Variants in BNC2 observed in about 807,000 individuals in gnomAD.
The protein encoded by BNC2 is basonuclin zinc finger protein 2, also known as zinc finger protein basonuclin-2.
Under a neutral mutation model 76.3 loss-of-function variants are expected in BNC2, and 20 were observed. That is an observed-to-expected ratio of 0.26 (90% CI 0.18 to 0.38). BNC2 has a LOEUF of 0.38. BNC2 is among the 10% of genes least tolerant of loss of function. BNC2 has a pLI of 1.00. For synonymous variants in BNC2, 582 were observed against 514.8 expected, an observed-to-expected ratio of 1.13 and a Z score of -1.77; for missense variants, 1,382 against 1,399.8, an observed-to-expected ratio of 0.99 and a Z score of 0.20.
Position 16,597,220 on chromosome 9 carries a change from T to C in BNC2, c.331-14135A>G, listed in dbSNP as rs576386023. On this transcript the variant is annotated intron_variant, in intron 3 of 6. Coordinates refer to ENST00000380672, the MANE Select transcript of BNC2 (RefSeq NM_017637.6). ...GTGGCTACAGCCATGTACTATTGTA[T>C]GTAACTGCTTATTTTTAAAAAGAGC... 8.3e-4 allele frequency among the ~76,000 whole-genome samples: 127 copies of C among 152,310 alleles called. 1 individual carries two copies. The highest frequency in any genetic ancestry group is 1.5e-3 in the Non-Finnish European group (102 of 67,994).
At chr9:16,606,908 G>T (rs1458353631) in intron 3 of BNC2, among the ~76,000 whole-genome samples, 2 of 152,128 alleles carry the variant, frequency 1.3e-5, no homozygotes, top group Non-Finnish European at 2.9e-5. Flanking sequence ...AAGCTCCTTT[G>T]GCCTGCGGCC....
At chr9:16,451,843 C>T (rs935900241) in intron 5 of BNC2, among the ~76,000 whole-genome samples, 2 of 152,140 alleles carry the variant, frequency 1.3e-5, no homozygotes, top group Admixed American at 1.3e-4. Flanking sequence ...TTGATATCCC[C>T]ACTGCCAAGA....
intron 3 of BNC2, among the ~76,000 whole-genome samples, chr9:16,715,153 A>T (rs1050188863): frequency 6.6e-6 from 1 of 152,234 alleles, no homozygotes; most frequent in Non-Finnish European, 1.5e-5. Flanking sequence ...TTTCATCTAC[A>T]TCAATTACTT....
At chr9:16,457,195 T>C (rs1468197294) in intron 5 of BNC2, among the ~76,000 whole-genome samples, 1 of 152,202 alleles carries the variant, frequency 6.6e-6, no homozygotes, top group Non-Finnish European at 1.5e-5. Context: ...AAGTAGTCCT[T>C]AGGAAGAAGA....
intron 5 of BNC2, among the ~76,000 whole-genome samples, chr9:16,508,710 A>G (rs1054339842): frequency 2.0e-5 from 3 of 152,156 alleles, no homozygotes; most frequent in African/African-American, 2.4e-5. Context: ...TAGCCCCCAC[A>G]AAGTTAATTT....
intron 3 of BNC2, among the ~76,000 whole-genome samples, chr9:16,608,956 C>T (rs1263508443): frequency 2.6e-5 from 4 of 152,168 alleles, no homozygotes; most frequent in Non-Finnish European, 2.9e-5. Context: ...GGTTCCTAAA[C>T]ATCATACCTT....
intron 3 of BNC2, 182 bp downstream of exon 3, chr9:16,727,615 G>A (rs773008387): frequency 7.0e-5 from 43 of 613,562 alleles, no homozygotes; most frequent in African/African-American, 1.3e-4. Flanking sequence ...CGCCCTTAGG[G>A]AAACCATGAA....
chr9:16,767,479 T>C (rs926329632), intron 1 of BNC2, among the ~76,000 whole-genome samples: 1 of 152,134 alleles, frequency 6.6e-6, no homozygotes, highest in Admixed American at 6.5e-5. Context: ...AGGATTTTTT[T>C]TGTAGAGCTG....
chr9:16,600,040 A>G (rs766986023), intron 3 of BNC2, among the ~76,000 whole-genome samples: 12 of 152,334 alleles, frequency 7.9e-5, no homozygotes, highest in Non-Finnish European at 1.3e-4. Flanking sequence ...ACCCTGATAT[A>G]TAAGAAACCT....
intron 5 of BNC2, among the ~76,000 whole-genome samples, chr9:16,540,702 C>T (rs936824663): frequency 6.6e-6 from 1 of 152,168 alleles, no homozygotes; most frequent in Non-Finnish European, 1.5e-5. Flanking sequence ...GTAAGTCGCT[C>T]TTTTGACAGG....
intron 4 of BNC2, among the ~76,000 whole-genome samples, chr9:16,574,948 T>C (rs1282157365): frequency 6.6e-6 from 1 of 152,204 alleles, no homozygotes; most frequent in Non-Finnish European, 1.5e-5. Context: ...CACCCAACTT[T>C]TAATCACTCT....
chr9:16,597,271 T>C (rs1820117973), intron 3 of BNC2, among the ~76,000 whole-genome samples: 1 of 152,192 alleles, frequency 6.6e-6, no homozygotes, highest in African/African-American at 2.4e-5. Flanking sequence ...TGAAGGATTT[T>C]CTTTTATACA....
At chr9:16,631,660 A>G (rs1449395454) in intron 3 of BNC2, among the ~76,000 whole-genome samples, 2 of 152,220 alleles carry the variant, frequency 1.3e-5, no homozygotes, top group East Asian at 3.8e-4. Context: ...TCCGTGGCCT[A>G]CCATCGTGTC....
At chr9:16,742,691 T>C (rs1429870147) in intron 1 of BNC2, among the ~76,000 whole-genome samples, 1 of 152,208 alleles carries the variant, frequency 6.6e-6, no homozygotes. Context: ...TCTCCTGTTG[T>C]CAACAGTGCA....
intron 1 of BNC2, among the ~76,000 whole-genome samples, chr9:16,781,252 G>A (rs1019571180): frequency 6.6e-6 from 1 of 152,218 alleles, no homozygotes; most frequent in Non-Finnish European, 1.5e-5. Context: ...TGAAGATCAG[G>A]GCTGGACTGA....
chr9:16,457,917 C>T (rs1173564069), intron 5 of BNC2, among the ~76,000 whole-genome samples: 3 of 152,142 alleles, frequency 2.0e-5, no homozygotes, highest in African/African-American at 7.2e-5. Context: ...AGATCTGCAT[C>T]CCCACTGCCA....
intron 3 of BNC2, among the ~76,000 whole-genome samples, chr9:16,663,145 T>C (rs1822162385): frequency 6.7e-6 from 1 of 148,908 alleles, no homozygotes; most frequent in Admixed American, 6.7e-5. Context: ...TTTTTTTTTT[T>C]TGGAGACGGA....
chr9:16,428,620 G>GC (rs1292005346), intron 6 of BNC2, among the ~76,000 whole-genome samples: 1 of 152,144 alleles, frequency 6.6e-6, no homozygotes, highest in Non-Finnish European at 1.5e-5. Flanking sequence ...ATATGCAATA[G>GC]CAATACCGAG....
chr9:16,565,210 C>T (rs541379914), intron 4 of BNC2, among the ~76,000 whole-genome samples: 1 of 152,096 alleles, frequency 6.6e-6, no homozygotes, highest in African/African-American at 2.4e-5. Flanking sequence ...TTTCCAATGA[C>T]GTCCCCAGCC....
Sources: gnomAD v4.1 joint callset for allele counts (sites outside exome capture counted in the v4.1 genomes callset) on GRCh38, gnomAD v4.1.1 for gene constraint, MANE v1.5 for transcripts, NCBI Gene and HGNC (gene_info 2026-07-23, HGNC 2026-07-21) for gene names.